The following PTPRD variants were observed in gnomAD, a reference collection of about 807,000 sequenced individuals.
PTPRD encodes the protein protein tyrosine phosphatase receptor type D.
PTPRD carries 34 observed loss-of-function variants against 214.5 expected under a neutral mutation model. That is an observed-to-expected ratio of 0.16 (90% confidence interval 0.12 to 0.21). PTPRD has a LOEUF of 0.21. PTPRD is among the 10% of genes least tolerant of loss of function. The pLI is 1.00. For missense variants in PTPRD, 2,545 were observed against 2,398.7 expected (o/e 1.06, Z -1.27); for synonymous variants, 1,128 against 845.7 (o/e 1.33, Z -5.79).
chr9:8,548,765 G>A (rs1341672634), intron 14 of PTPRD, among the ~76,000 whole-genome samples: 1 of 125,664 alleles, frequency 8.0e-6, no homozygotes, highest in East Asian at 2.5e-4. Context: ...TGCAATCTCG[G>A]CTCACGGCAA....
chr9:8,966,304 C>G (rs1224371026), intron 11 of PTPRD, among the ~76,000 whole-genome samples: 3 of 151,762 alleles, frequency 2.0e-5, no homozygotes, highest in African/African-American at 7.3e-5. Context: ...CAATCCTAAG[C>G]AAAAAGAACC....
At chr9:9,370,440 G>A (rs1476539058) in intron 9 of PTPRD, among the ~76,000 whole-genome samples, 2 of 151,182 alleles carry the variant, frequency 1.3e-5, no homozygotes, top group African/African-American at 4.9e-5. Context: ...AAGAAGGCTT[G>A]TGATTTTTGC....
intron 11 of PTPRD, among the ~76,000 whole-genome samples, chr9:8,888,835 C>T (rs542136160): frequency 6.6e-6 from 1 of 152,306 alleles, no homozygotes; most frequent in East Asian, 1.9e-4. Flanking sequence ...TGGAGTCCAA[C>T]TATCTTGCAT....
chr9:10,461,919 G>A (rs2098962022), intron 2 of PTPRD, among the ~76,000 whole-genome samples: 1 of 152,058 alleles, frequency 6.6e-6, no homozygotes, highest in South Asian at 2.1e-4. Context: ...ACCACACCCG[G>A]TCTATCTTGC....
chr9:9,491,186 A>T (rs2095878261), intron 8 of PTPRD, among the ~76,000 whole-genome samples: 1 of 151,966 alleles, frequency 6.6e-6, no homozygotes, highest in Admixed American at 6.6e-5. Flanking sequence ...TTTTAAATCA[A>T]ACATTTACAA....
intron 5 of PTPRD, among the ~76,000 whole-genome samples, chr9:9,818,506 T>C (rs1332449965): frequency 1.3e-5 from 2 of 152,030 alleles, no homozygotes; most frequent in African/African-American, 4.8e-5. Context: ...AAATAATATA[T>C]AAGTAGAAAT....
chr9:10,256,079 G>T (rs529169434), intron 3 of PTPRD, among the ~76,000 whole-genome samples: 10 of 152,286 alleles, frequency 6.6e-5, no homozygotes, highest in Non-Finnish European at 1.0e-4. Flanking sequence ...GAGGAGTCTA[G>T]GTGTGTGCTC....
chr9:8,331,118 C>A (rs1263451308), intron 44 of PTPRD, among the ~76,000 whole-genome samples: 1 of 151,938 alleles, frequency 6.6e-6, no homozygotes, highest in African/African-American at 2.4e-5. Flanking sequence ...AAGCAAATTG[C>A]ATTTTTTAAC....
At chr9:8,985,056 C>A (rs574180853) in intron 11 of PTPRD, among the ~76,000 whole-genome samples, 1 of 151,958 alleles carries the variant, frequency 6.6e-6, no homozygotes. Context: ...GAATCTAGTT[C>A]AATGGGCTGA....
chr9:8,524,099 T>C (rs930926105), intron 18 of PTPRD, among the ~76,000 whole-genome samples: 2 of 147,014 alleles, frequency 1.4e-5, no homozygotes, highest in Non-Finnish European at 3.0e-5. Context: ...CTACAGGAAC[T>C]GGCTTTGAGA....
intron 3 of PTPRD, among the ~76,000 whole-genome samples, chr9:10,118,091 G>C (rs1591606745): frequency 6.6e-6 from 1 of 151,874 alleles, no homozygotes; most frequent in South Asian, 2.1e-4. Flanking sequence ...GGAGGTACCA[G>C]AGCTAGTAAA....
At chr9:9,713,619 T>G (rs1402737102) in intron 7 of PTPRD, among the ~76,000 whole-genome samples, 1 of 152,184 alleles carries the variant, frequency 6.6e-6, no homozygotes, top group Non-Finnish European at 1.5e-5. Flanking sequence ...GAGCTGGTCC[T>G]TGAAAGGATG....
At chr9:10,014,666 G>C (rs1461006021) in intron 4 of PTPRD, among the ~76,000 whole-genome samples, 1 of 151,994 alleles carries the variant, frequency 6.6e-6, no homozygotes, top group Non-Finnish European at 1.5e-5. Flanking sequence ...GATGAGAAAT[G>C]AAACGTGAAA....
chr9:9,113,887 G>A (rs779231711), intron 10 of PTPRD, among the ~76,000 whole-genome samples: 19 of 152,098 alleles, frequency 1.2e-4, no homozygotes, highest in Non-Finnish European at 1.9e-4. Flanking sequence ...CTATAGTAAG[G>A]TATCAACTGG....
At chr9:8,711,899 C>A (rs749679333) in intron 12 of PTPRD, among the ~76,000 whole-genome samples, 15 of 152,168 alleles carry the variant, frequency 9.9e-5, no homozygotes, top group Non-Finnish European at 2.1e-4. Flanking sequence ...ATTTATGCAA[C>A]AACATGGATG....
intron 5 of PTPRD, among the ~76,000 whole-genome samples, chr9:9,919,301 T>C (rs1305345129): frequency 6.6e-6 from 1 of 152,098 alleles, no homozygotes; most frequent in African/African-American, 2.4e-5. Flanking sequence ...TCAATTCCAT[T>C]GAGCTGGGTG....
intron 9 of PTPRD, among the ~76,000 whole-genome samples, chr9:9,383,256 A>AT (rs757280517): frequency 8.1e-4 from 124 of 152,164 alleles, no homozygotes; most frequent in Non-Finnish European, 1.5e-3. Context: ...AAATTGTCCT[A>AT]TTTTTTCTCA....
rs529342870 is a variant in PTPRD at position 9,777,456 on chromosome 9, A to T, written c.-367-10605T>A. ...ATGCTTGTAATCCCAGCCATTTGGG[A>T]GGCCGAGGTAGGTGGATCACTTGAG... On this transcript the variant is annotated intron_variant, in intron 5 of 45. Coordinates refer to ENST00000381196, the MANE Select transcript of PTPRD (RefSeq NM_002839.4). Among the ~76,000 whole-genome samples, 4 of 152,256 alleles carry T rather than the reference A, an allele frequency of 2.6e-5. No homozygotes were observed. In the East Asian group the frequency reaches 7.7e-4, roughly 29 times the overall value.
At chr9:10,126,179 C>G (rs758314917) in intron 3 of PTPRD, among the ~76,000 whole-genome samples, 1 of 152,078 alleles carries the variant, frequency 6.6e-6, no homozygotes, top group Non-Finnish European at 1.5e-5. Context: ...TATACTCATA[C>G]TGTTATTACA....
Sources: gnomAD v4.1 joint callset for allele counts (sites outside exome capture counted in the v4.1 genomes callset) on GRCh38, gnomAD v4.1.1 for gene constraint, MANE v1.5 for transcripts, NCBI Gene and HGNC (gene_info 2026-07-23, HGNC 2026-07-21) for gene names.